Variants in CSMD1 observed in about 807,000 individuals in gnomAD.
CSMD1 encodes the protein CUB and sushi domain-containing protein 1.
Under a neutral mutation model 417.5 loss-of-function variants are expected in CSMD1, and 213 were observed. That is an observed-to-expected ratio of 0.51 (90% CI 0.46 to 0.57). The LOEUF is 0.57. CSMD1 is among the 20% of genes least tolerant of loss of function. The probability of loss-of-function intolerance (pLI) is 0.00; values close to 1 mark genes in which losing one functional copy is unlikely to be tolerated. For synonymous variants in CSMD1, 2,862 were observed against 1,736.8 expected, an observed-to-expected ratio of 1.65 and a Z score of -16.11; for missense variants, 6,923 against 4,529.7, an observed-to-expected ratio of 1.53 and a Z score of -15.17.
At chr8:3,375,255 T>A (rs1810230317) in intron 18 of CSMD1, 1 of 152,148 alleles carries the variant, frequency 6.6e-6, no homozygotes, top group Admixed American at 6.5e-5. Context: ...TTCTAACTAC[T>A]CCCCACTATT....
intron 25 of CSMD1, among the ~76,000 whole-genome samples, chr8:3,303,835 G>C (rs963896065): frequency 1.3e-5 from 2 of 152,082 alleles, no homozygotes; most frequent in Non-Finnish European, 2.9e-5. Flanking sequence ...CTTGTGATTA[G>C]ACTTTTAATT....
intron 3 of CSMD1, among the ~76,000 whole-genome samples, chr8:4,156,938 TTATC>T (rs1796868008): frequency 6.6e-6 from 1 of 152,270 alleles, no homozygotes; most frequent in South Asian, 2.1e-4. Flanking sequence ...TTACGAAACT[TTATC>T]TATCCAACCA....
chr8:4,627,986 T>C (rs1207946573), intron 2 of CSMD1, among the ~76,000 whole-genome samples: 1 of 131,816 alleles, frequency 7.6e-6, no homozygotes, highest in Admixed American at 9.3e-5. Flanking sequence ...ATCTCCCCAC[T>C]GTGACAATTA....
At chr8:3,739,003 T>G (rs954846574) in intron 6 of CSMD1, among the ~76,000 whole-genome samples, 16 of 152,246 alleles carry the variant, frequency 1.1e-4, no homozygotes, top group African/African-American at 3.9e-4. Context: ...GAGATATATA[T>G]TGTTATATTG....
intron 3 of CSMD1, among the ~76,000 whole-genome samples, chr8:4,071,579 C>T (rs1670684520): frequency 6.6e-6 from 1 of 151,980 alleles, no homozygotes; most frequent in African/African-American, 2.4e-5. Context: ...CATCTGTGTC[C>T]TATCAAGCTT....
At chr8:3,839,710 C>A (rs545434987) in intron 5 of CSMD1, among the ~76,000 whole-genome samples, 2 of 147,042 alleles carry the variant, frequency 1.4e-5, no homozygotes, top group Non-Finnish European at 3.0e-5. Context: ...GGAGAATGAA[C>A]AAGTCTCTTT....
chr8:4,403,823 G>C (rs917508492), intron 3 of CSMD1, among the ~76,000 whole-genome samples: 2 of 152,026 alleles, frequency 1.3e-5, no homozygotes, highest in Non-Finnish European at 2.9e-5. Context: ...TGCTCAAATG[G>C]CATCTGCCAT....
intron 5 of CSMD1, among the ~76,000 whole-genome samples, chr8:3,839,837 G>C (rs1803002255): frequency 6.6e-6 from 1 of 151,684 alleles, no homozygotes; most frequent in African/African-American, 2.4e-5. Context: ...TAAATGGAGG[G>C]AACATTATGG....
At chr8:4,181,489 G>A (rs1472589368) in intron 3 of CSMD1, among the ~76,000 whole-genome samples, 6 of 151,870 alleles carry the variant, frequency 4.0e-5, no homozygotes, top group Non-Finnish European at 7.4e-5. Context: ...AACGATAACT[G>A]ATGAGCTTTA....
chr8:4,626,602 G>C (rs1349794781), intron 2 of CSMD1, among the ~76,000 whole-genome samples: 1 of 152,072 alleles, frequency 6.6e-6, no homozygotes, highest in African/African-American at 2.4e-5. Context: ...TCCAGTCAGG[G>C]TCAGGACCGC....
chr8:4,510,367 A>G (rs1348232968), intron 2 of CSMD1, among the ~76,000 whole-genome samples: 1 of 117,220 alleles, frequency 8.5e-6, no homozygotes, highest in Non-Finnish European at 1.8e-5. Flanking sequence ...TATTTTTTGT[A>G]GACAATTAAA....
chr8:4,490,014 G>T (rs1377224014), intron 2 of CSMD1, among the ~76,000 whole-genome samples: 1 of 150,308 alleles, frequency 6.7e-6, no homozygotes, highest in East Asian at 2.0e-4. Context: ...GTCTTTCCAG[G>T]TCAATTTACG....
In CSMD1 at chr8:4,342,178, T is replaced by C. The variant is rs563060277; in HGVS notation, c.415+77775A>G. On this transcript the variant is annotated intron_variant, in intron 3 of 69. Transcript: ENST00000635120. ...TACCAAGCCACATTCTTACTTCCCT[T>C]ATGCAAACTTGGCAGCAGTGCTGTG... Among the ~76,000 whole-genome samples, 13 of 151,758 alleles carry C rather than the reference T, an allele frequency of 8.6e-5. No individual in the cohort carries two copies. The South Asian group carries it at 2.5e-3, about 29-fold the overall frequency.
chr8:4,791,468 C>T (rs1036371402), intron 1 of CSMD1, among the ~76,000 whole-genome samples: 1 of 152,136 alleles, frequency 6.6e-6, no homozygotes, highest in Non-Finnish European at 1.5e-5. Context: ...GAAAAGTGAA[C>T]CTAATTTTCT....
chr8:4,712,351 C>G (rs17418550), intron 1 of CSMD1, among the ~76,000 whole-genome samples: 27,921 of 152,122 alleles, frequency 0.18, 3,256 homozygotes, highest in Non-Finnish European at 0.25. Flanking sequence ...ACGGAAAACC[C>G]TTTGATTTGT....
chr8:4,182,957 T>A (rs181072954), intron 3 of CSMD1, among the ~76,000 whole-genome samples: 3 of 152,058 alleles, frequency 2.0e-5, no homozygotes, highest in African/African-American at 2.4e-5. Context: ...TAATGGCCAA[T>A]AAAGAAAGAG....
intron 12 of CSMD1, among the ~76,000 whole-genome samples, chr8:3,425,328 G>C (rs143299426): frequency 6.6e-6 from 1 of 152,140 alleles, no homozygotes. Context: ...GGTGGCTCAC[G>C]CCTGTAATCC....
chr8:3,154,165 G>T (rs1563092172), intron 39 of CSMD1, among the ~76,000 whole-genome samples: 1 of 152,282 alleles, frequency 6.6e-6, no homozygotes, highest in African/African-American at 2.4e-5. Context: ...TAGAGATGGG[G>T]TTTCACCATG....
chr8:4,698,109 G>C (rs934994482), intron 1 of CSMD1, among the ~76,000 whole-genome samples: 1 of 148,602 alleles, frequency 6.7e-6, no homozygotes, highest in South Asian at 2.1e-4. Flanking sequence ...TCCCAAATCT[G>C]TGAACACTTT....
Sources: gnomAD v4.1 joint callset for allele counts (sites outside exome capture counted in the v4.1 genomes callset) on GRCh38, gnomAD v4.1.1 for gene constraint, MANE v1.5 for transcripts, NCBI Gene and HGNC (gene_info 2026-07-23, HGNC 2026-07-21) for gene names.